Variants in ACSBG2 observed in about 807,000 individuals in gnomAD.
The protein encoded by ACSBG2 is long-chain-fatty-acid--CoA ligase ACSBG2.
Under a neutral mutation model 74.7 loss-of-function variants are expected in ACSBG2, and 62 were observed. The ratio of observed to expected loss-of-function variants is 0.83; its 90% confidence interval spans 0.68 to 1.03. The LOEUF is 1.03. ACSBG2 is among the 50% of genes least tolerant of loss of function. The pLI is 0.00. For missense variants in ACSBG2, 730 were observed against 817.6 expected, an observed-to-expected ratio of 0.89 and a Z score of 1.31; for synonymous variants, 309 against 294.1, an observed-to-expected ratio of 1.05 and a Z score of -0.52.
intron 9 of ACSBG2, 51 bp downstream of exon 9, chr19:6,182,983 C>A: frequency 1.2e-6 from 2 of 1,612,588 alleles, no homozygotes; most frequent in Non-Finnish European, 1.7e-6. Context: ...GGAGGCTCAG[C>A]CTTCTCCAGT....
At position 6,156,421 on chromosome 19, in the gene ACSBG2, C is replaced by G. The variant is rs2089421022; in HGVS notation, c.387-10C>G. On this transcript the variant is annotated splice_polypyrimidine_tract_variant and intron_variant, in intron 4 of 14. Transcript: ENST00000588485. ...GTGGATGCACACACGAATTTGTTTT[C>G]TTTTCCCAGGGGTCTTTGTGTTGGT... 1 of 1,586,704 alleles carries G rather than the reference C, an allele frequency of 6.3e-7. No homozygotes were observed. Among genetic ancestry groups the G allele is most frequent in the African/African-American group, 1.4e-5 (1 of 73,204 alleles).
chr19:6,157,149 C>A lies in ACSBG2; in HGVS notation c.507+598C>A, dbSNP rs558096299. ...TGTTTTAGTAGAAACGGGGTTTCAC[C>A]GTGTTAGCCAGGATGGTCTTGATCT... is the stretch of plus-strand genomic sequence containing the variant. On this transcript the variant is annotated intron_variant, in intron 5 of 14. Coordinates refer to ENST00000588485, the MANE Select transcript of ACSBG2 (RefSeq NM_030924.5). Among the ~76,000 whole-genome samples, 25 of 152,302 alleles carry A rather than the reference C, an allele frequency of 1.6e-4. No individual in the cohort carries two copies. In the East Asian group the frequency reaches 4.4e-3, roughly 27 times the overall value.
At chr19:6,154,841 C>A (rs2089366816) in intron 4 of ACSBG2, among the ~76,000 whole-genome samples, 1 of 152,036 alleles carries the variant, frequency 6.6e-6, no homozygotes, top group South Asian at 2.1e-4. Context: ...GAGATCTGTC[C>A]CCATTTTAGG....
rs7257261 is a variant in ACSBG2, at chr19:6,174,125, T to C, written c.739-3104T>C. On this transcript the variant is annotated intron_variant, in intron 7 of 14. Coordinates refer to ENST00000588485, the MANE Select transcript of ACSBG2 (RefSeq NM_030924.5). The surrounding 1 kb of genome is among the most constrained non-coding windows in gnomAD (Gnocchi z 4.2). ...CTAATTTTTGTATTATTAGTAGAGA[T>C]GGGGTTTCACCACGTTGGCCAGGCT... Among the ~76,000 whole-genome samples the C allele has an allele frequency of 0.14, 20,666 of 151,914 alleles. 3,122 individuals carry two copies. The highest frequency in any genetic ancestry group is 0.38 in the African/African-American group (15,688 of 41,354).
chr19:6,172,182 C>A (rs1439928703), intron 7 of ACSBG2, among the ~76,000 whole-genome samples: 1 of 152,072 alleles, frequency 6.6e-6, no homozygotes, highest in African/African-American at 2.4e-5. Flanking sequence ...CTTTATATGT[C>A]ATTTCAAACA....
rs200002663 is a variant in ACSBG2, at chr19:6,187,874, T to A, written c.1927+29T>A. On this transcript the variant is annotated intron_variant, in intron 13 of 14. Coordinates refer to ENST00000588485, the MANE Select transcript of ACSBG2 (RefSeq NM_030924.5). Reference sequence around the variant, plus strand: ...AGTGGCCATGACATTTGGAGGCTGGTCCCTTGTTAGCATCTGGGACTGTGT... The same window carrying A: ...AGTGGCCATGACATTTGGAGGCTGGACCCTTGTTAGCATCTGGGACTGTGT... The A allele has an allele frequency of 1.3e-3, 2,036 of 1,609,232 alleles. 3 individuals are homozygous for A. Among genetic ancestry groups the A allele is most frequent in the Non-Finnish European group, 1.5e-3 (1,806 of 1,177,386 alleles).
chr19:6,155,004 A>G (rs1276945270), intron 4 of ACSBG2, among the ~76,000 whole-genome samples: 1 of 152,220 alleles, frequency 6.6e-6, no homozygotes. Flanking sequence ...TAAAGATTCA[A>G]TAAGAGGATG....
In ACSBG2 at chr19:6,147,592, T is replaced by G; in HGVS notation, c.214T>G (p.Ser72Ala). The change falls in exon 3 of 15, where the codon TCC (serine) becomes GCC (alanine). Residue 72 changes from serine (S) to alanine (A), a missense_variant. Transcript: ENST00000588485. ...ATTTGGAACTTATCCAGCCCTCGCATCCAAGAATGGCAAAAAGTGGGAAAT... is the reference window on the plus strand; with the variant it reads ...ATTTGGAACTTATCCAGCCCTCGCAGCCAAGAATGGCAAAAAGTGGGAAAT... ...NRFGTYPALA[S>A]KNGKKWEILN... The G allele has an allele frequency of 6.2e-7, 1 of 1,614,168 alleles. No individual in the cohort carries two copies.
chr19:6,176,971 CAT>C (rs1209243816), intron 7 of ACSBG2, among the ~76,000 whole-genome samples: 1 of 151,752 alleles, frequency 6.6e-6, no homozygotes, highest in Non-Finnish European at 1.5e-5. Flanking sequence ...AGCTGGAAAA[CAT>C]AGTGAGACCC....
At chr19:6,141,375 C>G in intron 1 of ACSBG2, 138 bp from the exon 2 acceptor site, 1 of 583,060 alleles carries the variant, frequency 1.7e-6, no homozygotes, top group Non-Finnish European at 3.1e-6. Context: ...CCACTCTCCT[C>G]TCCTCCCAGG....
chr19:6,143,191 T>C (rs1475501121), intron 2 of ACSBG2, among the ~76,000 whole-genome samples: 2 of 151,878 alleles, frequency 1.3e-5, no homozygotes, highest in Admixed American at 1.3e-4. Flanking sequence ...ATTACAGTCA[T>C]GCACCACCGT....
At chr19:6,188,210 T>G (rs2090461726) in intron 13 of ACSBG2, among the ~76,000 whole-genome samples, 1 of 152,170 alleles carries the variant, frequency 6.6e-6, no homozygotes. Flanking sequence ...CCTGGATGGC[T>G]TCTTCTCATT....
rs920156814 is a variant in ACSBG2, at chr19:6,174,660, A to G, written c.739-2569A>G. Reference sequence around the variant, plus strand: ...ACCTCATCTCTACAAAAATGTTTTAAAAATTAGCTGGGCATGGTGGCACAT... The same window carrying G: ...ACCTCATCTCTACAAAAATGTTTTAGAAATTAGCTGGGCATGGTGGCACAT... On this transcript the variant is annotated intron_variant, in intron 7 of 14. Transcript: ENST00000588485. This position sits in a 1 kb window ranked among gnomAD's most constrained non-coding sequence, Gnocchi z 4.2. Among the ~76,000 whole-genome samples, 3 of 152,152 alleles carry G rather than the reference A, an allele frequency of 2.0e-5. No individual in the cohort carries two copies. The highest frequency in any genetic ancestry group is 2.0e-4 in the Admixed American group (3 of 15,270).
At chr19:6,186,459 T>C (rs1438671340) in intron 11 of ACSBG2, among the ~76,000 whole-genome samples, 1 of 152,244 alleles carries the variant, frequency 6.6e-6, no homozygotes, top group Non-Finnish European at 1.5e-5. Flanking sequence ...TGGCCTGGAT[T>C]TGGCCACTAT....
intron 7 of ACSBG2, among the ~76,000 whole-genome samples, chr19:6,175,714 G>A (rs149835956): frequency 3.4e-4 from 52 of 152,300 alleles, no homozygotes; most frequent in Non-Finnish European, 4.1e-4. Context: ...TATGACACTA[G>A]TGAGAAATAT....
Position 6,139,281 on chromosome 19 carries a change from G to C in ACSBG2, c.-31-2232G>C, listed in dbSNP as rs1470843367. On this transcript the variant is annotated intron_variant, in intron 1 of 14. Transcript: ENST00000588485. ...TTTTTTTGTATTTTTAATAGAGACAGGGTTTCACCATGTTGGCCAGACTGG... is the reference window on the plus strand; with the variant it reads ...TTTTTTTGTATTTTTAATAGAGACACGGTTTCACCATGTTGGCCAGACTGG... 2.0e-5 allele frequency among the ~76,000 whole-genome samples: 3 copies of C among 152,098 alleles called. No homozygotes were observed. In the East Asian group the frequency reaches 5.8e-4, roughly 29 times the overall value.
At position 6,147,550 on chromosome 19, in the gene ACSBG2, CGA is replaced by C; in HGVS notation, c.176_177del (p.Glu59ValfsTer29). On this transcript the variant is annotated frameshift_variant, in exon 3 of 15. Transcript: ENST00000588485. LOFTEE classifies it high-confidence loss of function. ...CCCGATGACCATCCCTGAATTTTTT[CGA>C]GAGTCAGTCAACCGATTTGGAACTT... is the stretch of plus-strand genomic sequence containing the variant. ...ETPMTIPEFF[R>X]ESVNRFGTYP... 6.2e-7 allele frequency: 1 copy of C among 1,614,100 alleles called. No individual in the cohort carries two copies. The highest frequency in any genetic ancestry group is 8.5e-7 in the Non-Finnish European group (1 of 1,180,014).
intron 4 of ACSBG2, among the ~76,000 whole-genome samples, chr19:6,153,057 C>T (rs2089291555): frequency 6.6e-6 from 1 of 151,994 alleles, no homozygotes; most frequent in African/African-American, 2.4e-5. Flanking sequence ...TCCTGGCTAA[C>T]ATGCTGAAAC....
At chr19:6,155,890 T>C (rs1164649118) in intron 4 of ACSBG2, among the ~76,000 whole-genome samples, 2 of 117,246 alleles carry the variant, frequency 1.7e-5, no homozygotes, top group Admixed American at 1.9e-4. Context: ...CTAAGATAGA[T>C]AAAGAAATTC....
Sources: allele counts gnomAD v4.1 joint callset (sites outside exome capture counted in the v4.1 genomes callset), GRCh38; gene constraint gnomAD v4.1.1; non-coding constraint Gnocchi (gnomAD v3.1); transcripts MANE v1.5; gene names NCBI Gene and HGNC (gene_info 2026-07-23, HGNC 2026-07-21).